The following MLLT10 variants were observed in gnomAD, a reference collection of about 807,000 sequenced individuals.
The protein encoded by MLLT10 is protein AF-10.
Under a neutral mutation model 129.1 loss-of-function variants are expected in MLLT10, and 30 were observed. The ratio of observed to expected loss-of-function variants is 0.23; its 90% CI spans 0.17 to 0.32. The LOEUF is 0.32. Among genes scored for constraint, MLLT10 ranks in the 10% least tolerant of loss-of-function variants. MLLT10 has a pLI of 1.00. For missense variants in MLLT10, 1,119 were observed against 1,268.3 expected (o/e 0.88, Z 1.79); for synonymous variants, 490 against 446.4 (o/e 1.10, Z -1.23).
chr10:21,731,472 TTTG>T (rs1327985641), intron 17 of MLLT10, among the ~76,000 whole-genome samples: 1 of 152,202 alleles, frequency 6.6e-6, no homozygotes, highest in African/African-American at 2.4e-5. Flanking sequence ...TCCACTGTAC[TTTG>T]TTCTTATCAA....
At chr10:21,627,692 A>AT (rs2046590967) in intron 8 of MLLT10, among the ~76,000 whole-genome samples, 1 of 151,904 alleles carries the variant, frequency 6.6e-6, no homozygotes, top group East Asian at 1.9e-4. Context: ...AGTGGCCTAG[A>AT]TTTTATCTTT....
chr10:21,629,036 ACCCAGCCG>A (rs1321667110), intron 8 of MLLT10, among the ~76,000 whole-genome samples: 1 of 150,794 alleles, frequency 6.6e-6, no homozygotes, highest in African/African-American at 2.4e-5. Flanking sequence ...GAGCTGCCAC[ACCCAGCCG>A]CTGGAGGATA....
chr10:21,717,888 T>C (rs866493666), intron 14 of MLLT10, among the ~76,000 whole-genome samples: 1,005 of 75,660 alleles, frequency 0.013, no homozygotes, highest in Middle Eastern at 0.053. Context: ...TCCTCCTCCT[T>C]CTCCTCCTCC....
intron 5 of MLLT10, among the ~76,000 whole-genome samples, chr10:21,599,004 C>A (rs1195908230): frequency 6.6e-6 from 1 of 151,858 alleles, no homozygotes; most frequent in Non-Finnish European, 1.5e-5. Context: ...ATGGCGAAAC[C>A]CCGTCTCTAC....
intron 21 of MLLT10, 55 bp from the exon 22 acceptor site, chr10:21,739,971 TCTGA>T: frequency 8.0e-6 from 11 of 1,372,554 alleles, no homozygotes; most frequent in Non-Finnish European, 1.1e-5. Context: ...AGGCAGCTCA[TCTGA>T]CTGCTGAATT....
intron 1 of MLLT10, 36 bp downstream of exon 1, chr10:21,534,556 G>T (rs2033449423): frequency 1.4e-6 from 2 of 1,388,234 alleles, no homozygotes; most frequent in Admixed American, 2.4e-5. Context: ...CGGGCGGGGG[G>T]CGCCGGGGCG....
At chr10:21,623,091 C>T (rs1282636089) in intron 8 of MLLT10, among the ~76,000 whole-genome samples, 2 of 152,208 alleles carry the variant, frequency 1.3e-5, no homozygotes, top group African/African-American at 4.8e-5. Flanking sequence ...TCTCCAGGTG[C>T]TCCACCCACA....
chr10:21,693,069 T>C (rs1329167207), intron 13 of MLLT10, among the ~76,000 whole-genome samples: 2 of 152,196 alleles, frequency 1.3e-5, no homozygotes, highest in African/African-American at 2.4e-5. Context: ...TTTAGGCTTA[T>C]GATTGTACTC....
intron 3 of MLLT10, among the ~76,000 whole-genome samples, chr10:21,569,017 A>T (rs569771286): frequency 6.6e-6 from 1 of 152,304 alleles, no homozygotes; most frequent in South Asian, 2.1e-4. Context: ...TTTCTAGATT[A>T]ATATCACAGT....
At position 21,681,353 on chromosome 10, in the gene MLLT10, A is replaced by G; in HGVS notation, c.1643A>G (p.His548Arg). Residue 548 changes from histidine to arginine, a missense_variant, in exon 12 of 23, where the codon CAT (histidine) becomes CGT (arginine). Around this residue, in one of 5 missense-constraint regions of MLLT10, gnomAD observed 1,004 missense variants for 1,008.7 expected, o/e 1.00. Coordinates refer to ENST00000307729, the MANE Select transcript of MLLT10 (RefSeq NM_001195626.3). ...VGSEISMQYR[H>R]DGACPTTTFS... ...ACAGAAATTTCCATGCAGTATCGGC[A>G]TGATGGAGCTTGCCCAACAACTAGT... 6.2e-7 allele frequency: 1 copy of G among 1,612,606 alleles called. No individual in the cohort carries two copies. Among genetic ancestry groups the G allele is most frequent in the Non-Finnish European group, 8.5e-7 (1 of 1,179,620 alleles).
intron 3 of MLLT10, among the ~76,000 whole-genome samples, chr10:21,563,852 G>A (rs1265502554): frequency 3.3e-5 from 5 of 150,290 alleles, no homozygotes; most frequent in East Asian, 3.9e-4. Flanking sequence ...TTGCTTTGTC[G>A]CCCAGGCTGG....
At chr10:21,557,269 T>A in intron 3 of MLLT10, 2 of 828,576 alleles carry the variant, frequency 2.4e-6, no homozygotes, top group Non-Finnish European at 3.1e-6. Context: ...TTATGAAATC[T>A]GTATTTGATA....
At chr10:21,636,275 C>T (rs1185884958) in intron 8 of MLLT10, among the ~76,000 whole-genome samples, 1 of 152,026 alleles carries the variant, frequency 6.6e-6, no homozygotes, top group Non-Finnish European at 1.5e-5. Context: ...CATGCACCAC[C>T]GCTGCCTGGC....
chr10:21,560,397 C>T (rs1169189960), intron 3 of MLLT10, among the ~76,000 whole-genome samples: 1 of 152,172 alleles, frequency 6.6e-6, no homozygotes, highest in Non-Finnish European at 1.5e-5. Flanking sequence ...TTTTTCCACT[C>T]AAGTCTTTTT....
intron 8 of MLLT10, among the ~76,000 whole-genome samples, chr10:21,651,047 GTTTTGTT>G (rs746385870): frequency 0.027 from 2,011 of 73,808 alleles, 21 homozygotes; most frequent in Middle Eastern, 0.089. Flanking sequence ...GTGTTGTTTT[GTTTTGTT>G]TTGTTTTGTT....
chr10:21,740,536 A>C (rs2131598567), intron 22 of MLLT10, among the ~76,000 whole-genome samples: 1 of 152,350 alleles, frequency 6.6e-6, no homozygotes, highest in Middle Eastern at 3.4e-3. Context: ...GCTTTCTGAG[A>C]AGCTTTGTTT....
chr10:21,559,762 G>A (rs554401189), intron 3 of MLLT10, among the ~76,000 whole-genome samples: 2 of 152,282 alleles, frequency 1.3e-5, no homozygotes, highest in East Asian at 3.9e-4. Flanking sequence ...CGTCTATGTT[G>A]TAGCATGTAC....
At chr10:21,685,384 G>A (rs951508815) in intron 13 of MLLT10, among the ~76,000 whole-genome samples, 2 of 152,152 alleles carry the variant, frequency 1.3e-5, no homozygotes, top group Admixed American at 6.5e-5. Flanking sequence ...GCACAGGCTG[G>A]AATGCAATGG....
At chr10:21,738,097 G>A (rs1157435949) in intron 21 of MLLT10, among the ~76,000 whole-genome samples, 3 of 151,878 alleles carry the variant, frequency 2.0e-5, no homozygotes, top group Non-Finnish European at 4.4e-5. Context: ...GTGAAACCCC[G>A]TCTCTACTAA....
Sources: allele counts gnomAD v4.1 joint callset (sites outside exome capture counted in the v4.1 genomes callset), GRCh38; gene constraint gnomAD v4.1.1; regional missense constraint gnomAD v4.1.1; transcripts MANE v1.5; gene names NCBI Gene and HGNC (gene_info 2026-07-23, HGNC 2026-07-21).